ADARB2: variants seen among roughly 807,000 people sequenced by gnomAD.
ADARB2 encodes the protein inactive double-stranded RNA-specific editase B2.
A neutral mutation model predicts 62.2 loss-of-function variants in ADARB2; 25 were observed. The observed-to-expected ratio is 0.40, with a 90% CI of 0.29 to 0.56. The LOEUF (loss-of-function observed/expected upper bound fraction) is 0.56. Among genes scored for constraint, ADARB2 ranks in the 20% least tolerant of loss-of-function variants. The pLI is 0.43. For synonymous variants in ADARB2, 572 were observed against 500.8 expected, an observed-to-expected ratio of 1.14 and a Z score of -1.90; for missense variants, 1,071 against 1,077.4, an observed-to-expected ratio of 0.99 and a Z score of 0.08.
intron 1 of ADARB2, among the ~76,000 whole-genome samples, chr10:1,520,432 G>A (rs1489360717): frequency 1.3e-5 from 2 of 152,106 alleles, no homozygotes; most frequent in Non-Finnish European, 2.9e-5. Context: ...GAATTCTCTA[G>A]ACTTTTACCA....
chr10:1,352,341 G>C lies in ADARB2; in HGVS notation c.1077+10687C>G, dbSNP rs529587316. 7.9e-5 allele frequency among the ~76,000 whole-genome samples: 12 copies of C among 152,194 alleles called. No homozygotes were observed. In the East Asian group the frequency reaches 2.3e-3, roughly 29 times the overall value. On this transcript the variant is annotated intron_variant, in intron 3 of 9. Coordinates refer to ENST00000381312, the MANE Select transcript of ADARB2 (RefSeq NM_018702.4). ...AAACCGTTATATAAACTCACAAAAG[G>C]AAACCTAGCTGACCCCGTAGATCCT...
chr10:1,271,938 G>A (rs567439891), intron 3 of ADARB2, among the ~76,000 whole-genome samples: 17 of 152,268 alleles, frequency 1.1e-4, no homozygotes, highest in African/African-American at 3.1e-4. Context: ...TTAACTCCTC[G>A]GAGCCCATTT....
intron 1 of ADARB2, among the ~76,000 whole-genome samples, chr10:1,554,005 C>A (rs1832665760): frequency 3.9e-5 from 6 of 152,238 alleles, no homozygotes; most frequent in Admixed American, 3.9e-4. Context: ...GGGTTGGAAC[C>A]TGCCCCCAGC....
chr10:1,639,117 AGGAGAATG>A (rs1219998225), intron 1 of ADARB2, among the ~76,000 whole-genome samples: 2 of 152,228 alleles, frequency 1.3e-5, no homozygotes, highest in Non-Finnish European at 2.9e-5. Context: ...GGAGCACTTC[AGGAGAATG>A]GGAGGGCCAT....
intron 1 of ADARB2, among the ~76,000 whole-genome samples, chr10:1,698,949 T>G (rs932703839): frequency 6.6e-6 from 1 of 152,186 alleles, no homozygotes; most frequent in East Asian, 1.9e-4. Context: ...TTAGTAGAGA[T>G]TGGGTTTCGC....
At chr10:1,438,561 GCCC>G (rs1298563610) in intron 1 of ADARB2, among the ~76,000 whole-genome samples, 144 of 148,646 alleles carry the variant, frequency 9.7e-4, no homozygotes, top group East Asian at 2.5e-3. Flanking sequence ...ATGGAGGCAG[GCCC>G]TTCATGATGG....
intron 1 of ADARB2, among the ~76,000 whole-genome samples, chr10:1,572,134 T>C (rs1285709432): frequency 6.9e-6 from 1 of 145,314 alleles, no homozygotes; most frequent in Non-Finnish European, 1.5e-5. Context: ...CAGGTGAGTG[T>C]GCAGGTGAGT....
chr10:1,628,000 C>G (rs75692156), intron 1 of ADARB2, among the ~76,000 whole-genome samples: 2 of 152,224 alleles, frequency 1.3e-5, no homozygotes, highest in Non-Finnish European at 2.9e-5. Context: ...ACCCTCCATC[C>G]TGGAAAACTG....
chr10:1,691,524 C>G (rs563294610), intron 1 of ADARB2, among the ~76,000 whole-genome samples: 4 of 152,356 alleles, frequency 2.6e-5, no homozygotes, highest in African/African-American at 9.6e-5. Flanking sequence ...CACTCCATGA[C>G]ATGCACAGCA....
intron 3 of ADARB2, among the ~76,000 whole-genome samples, chr10:1,275,074 G>T (rs1044291896): frequency 6.6e-6 from 1 of 152,334 alleles, no homozygotes; most frequent in South Asian, 2.1e-4. Context: ...ACCAAGCAGC[G>T]TGAGCCCTGG....
At chr10:1,506,633 CCA>C (rs1483554872) in intron 1 of ADARB2, among the ~76,000 whole-genome samples, 1 of 152,232 alleles carries the variant, frequency 6.6e-6, no homozygotes, top group African/African-American at 2.4e-5. Context: ...ATGTGGCTGT[CCA>C]CACAGCCCTG....
At chr10:1,569,122 CAGAGACAAAGAG>C (rs1832900646) in intron 1 of ADARB2, among the ~76,000 whole-genome samples, 1 of 139,444 alleles carries the variant, frequency 7.2e-6, no homozygotes, top group East Asian at 2.0e-4. Context: ...AAGAAAGAGA[CAGAGACAAAGAG>C]AGAGACAGAG....
chr10:1,719,502 T>G (rs1050760713), intron 1 of ADARB2, among the ~76,000 whole-genome samples: 1 of 152,212 alleles, frequency 6.6e-6, no homozygotes, highest in Admixed American at 6.5e-5. Flanking sequence ...TACAGTGGCC[T>G]TTTGATAAAA....
At chr10:1,496,092 T>C (rs1831686236) in intron 1 of ADARB2, among the ~76,000 whole-genome samples, 1 of 151,716 alleles carries the variant, frequency 6.6e-6, no homozygotes, top group Non-Finnish European at 1.5e-5. Flanking sequence ...GTCATCACCA[T>C]CATCATCGTC....
chr10:1,597,957 C>A (rs1017677350), intron 1 of ADARB2, among the ~76,000 whole-genome samples: 2 of 152,158 alleles, frequency 1.3e-5, no homozygotes, highest in African/African-American at 4.8e-5. Flanking sequence ...AGAAAGAAGT[C>A]ATATCTTTTA....
intron 1 of ADARB2, among the ~76,000 whole-genome samples, chr10:1,685,477 TCA>T (rs1564367399): frequency 6.6e-6 from 1 of 152,190 alleles, no homozygotes; most frequent in Non-Finnish European, 1.5e-5. Context: ...ACCGAATCCA[TCA>T]CAGAGTGAAA....
intron 3 of ADARB2, among the ~76,000 whole-genome samples, chr10:1,283,280 G>A (rs1831385466): frequency 6.6e-6 from 1 of 152,176 alleles, no homozygotes; most frequent in Non-Finnish European, 1.5e-5. Flanking sequence ...TGGTTAATAG[G>A]AGTTCTAGCT....
intron 1 of ADARB2, among the ~76,000 whole-genome samples, chr10:1,532,978 C>A (rs967414028): frequency 4.6e-5 from 7 of 152,160 alleles, no homozygotes; most frequent in African/African-American, 1.7e-4. Context: ...GGGGAGGAAC[C>A]GCATCCTGTG....
chr10:1,312,074 A>G (rs1831697407), intron 3 of ADARB2, among the ~76,000 whole-genome samples: 1 of 152,244 alleles, frequency 6.6e-6, no homozygotes, highest in South Asian at 2.1e-4. Context: ...GTGAAAATAA[A>G]GTATTAAAAT....
Sources: gnomAD v4.1 joint callset for allele counts (sites outside exome capture counted in the v4.1 genomes callset) on GRCh38, gnomAD v4.1.1 for gene constraint, MANE v1.5 for transcripts, NCBI Gene and HGNC (gene_info 2026-07-23, HGNC 2026-07-21) for gene names.